MALRD1: variants seen among roughly 807,000 people sequenced by gnomAD.
MALRD1 encodes the protein MAM and LDL receptor class A domain containing 1.
A neutral mutation model predicts 242.1 loss-of-function variants in MALRD1; 247 were observed. That is an observed-to-expected ratio of 1.02 (90% confidence interval 0.92 to 1.13). MALRD1 has a LOEUF of 1.13. MALRD1 is among the 50% of genes most tolerant of loss of function. MALRD1 has a pLI of 0.00. For missense variants in MALRD1, 2,989 were observed against 2,533.1 expected (o/e 1.18, Z -3.86); for synonymous variants, 995 against 866.6 (o/e 1.15, Z -2.60).
chr10:19,477,533 C>T (rs1382768387), intron 29 of MALRD1, among the ~76,000 whole-genome samples: 1 of 152,116 alleles, frequency 6.6e-6, no homozygotes, highest in Non-Finnish European at 1.5e-5. Context: ...GCATCATTGT[C>T]TGGGGCAAAC....
chr10:19,597,982 G>A (rs369393964), intron 34 of MALRD1, among the ~76,000 whole-genome samples: 1 of 152,128 alleles, frequency 6.6e-6, no homozygotes, highest in East Asian at 1.9e-4. Flanking sequence ...CAGAGCCTGT[G>A]GTTGGAAATG....
chr10:19,396,610 T>C (rs1846591237), intron 28 of MALRD1, among the ~76,000 whole-genome samples: 1 of 152,246 alleles, frequency 6.6e-6, no homozygotes, highest in Non-Finnish European at 1.5e-5. Flanking sequence ...CTAGCTTCTA[T>C]ATTCATACTC....
chr10:19,596,941 T>C (rs374521346), intron 34 of MALRD1, among the ~76,000 whole-genome samples: 2 of 151,946 alleles, frequency 1.3e-5, no homozygotes, highest in South Asian at 4.1e-4. Context: ...TTTAGGGTCC[T>C]GTGTAATATG....
At chr10:19,703,739 AC>A (rs1833725369) in intron 38 of MALRD1, among the ~76,000 whole-genome samples, 1 of 152,118 alleles carries the variant, frequency 6.6e-6, no homozygotes, top group South Asian at 2.1e-4. Flanking sequence ...TACTAAAAAT[AC>A]AAAAATTAGC....
intron 36 of MALRD1, among the ~76,000 whole-genome samples, chr10:19,688,230 C>G (rs1472146215): frequency 6.6e-6 from 1 of 152,182 alleles, no homozygotes; most frequent in African/African-American, 2.4e-5. Context: ...CTTGGCCTCC[C>G]AAAGTGCTGG....
At chr10:19,183,046 C>A (rs1015857768) in intron 14 of MALRD1, among the ~76,000 whole-genome samples, 2 of 150,858 alleles carry the variant, frequency 1.3e-5, no homozygotes, top group African/African-American at 4.9e-5. Context: ...ATAATGGACC[C>A]ACCCTCATAG....
In MALRD1 at chr10:19,389,533, C is replaced by A; in HGVS notation, c.4769C>A (p.Ser1590Tyr). ...TTCAGGAGTACCATGTGGCGAGAAT[C>A]CAGTGCAGCCTGCACCATGAGCTTC... ...AHFRSTMWRE[S>Y]SAACTMSFWY... is the part of the protein sequence containing the mutation. The change falls in exon 28 of 40, where the codon TCC (serine) becomes TAC (tyrosine). Residue 1590 changes from serine (S) to tyrosine (Y), a missense_variant. Physicochemically the swap from Ser to Tyr is moderately radical, Grantham distance 144. Coordinates refer to ENST00000454679, the MANE Select transcript of MALRD1 (RefSeq NM_001142308.3). 4 of 1,550,656 alleles carry A rather than the reference C, an allele frequency of 2.6e-6. No homozygotes were observed. The highest frequency in any genetic ancestry group is 3.5e-6 in the Non-Finnish European group (4 of 1,146,942).
intron 38 of MALRD1, among the ~76,000 whole-genome samples, chr10:19,728,832 C>G (rs1040639062): frequency 8.5e-5 from 13 of 152,196 alleles, no homozygotes; most frequent in African/African-American, 3.1e-4. Context: ...AGTTCATGCA[C>G]TAACCATGCT....
chr10:19,047,996 AT>A (rs1487114093), upstream of MALRD1, among the ~76,000 whole-genome samples: 2 of 152,178 alleles, frequency 1.3e-5, no homozygotes, highest in African/African-American at 4.8e-5. Flanking sequence ...ACATCACATA[AT>A]TTCTATAATA....
At chr10:19,135,987 C>T (rs1050796741) in intron 9 of MALRD1, among the ~76,000 whole-genome samples, 6 of 152,176 alleles carry the variant, frequency 3.9e-5, no homozygotes, top group Non-Finnish European at 8.8e-5. Context: ...CTTCTTTTCT[C>T]ATTAAAGAAA....
At chr10:19,475,954 T>C (rs961260346) in intron 29 of MALRD1, among the ~76,000 whole-genome samples, 1 of 152,226 alleles carries the variant, frequency 6.6e-6, no homozygotes, top group African/African-American at 2.4e-5. Flanking sequence ...GTTTTCCTTT[T>C]ATTACACACA....
At chr10:19,222,329 G>A (rs550670260) in intron 18 of MALRD1, among the ~76,000 whole-genome samples, 4 of 152,134 alleles carry the variant, frequency 2.6e-5, no homozygotes, top group African/African-American at 2.4e-5. Flanking sequence ...GGCCACCTCT[G>A]ATGTTGCAGA....
intron 38 of MALRD1, among the ~76,000 whole-genome samples, chr10:19,706,720 A>G (rs545799362): frequency 1.3e-5 from 2 of 151,884 alleles, no homozygotes; most frequent in Non-Finnish European, 2.9e-5. Context: ...CCCTCCACCC[A>G]TTGTCCACCA....
chr10:19,410,502 G>C (rs1833232437), intron 28 of MALRD1, among the ~76,000 whole-genome samples: 1 of 152,134 alleles, frequency 6.6e-6, no homozygotes, highest in Non-Finnish European at 1.5e-5. Flanking sequence ...ACAAGCCTAG[G>C]TCTTGACCTC....
intron 36 of MALRD1, among the ~76,000 whole-genome samples, chr10:19,663,576 T>C (rs1317522054): frequency 6.6e-6 from 1 of 152,130 alleles, no homozygotes; most frequent in East Asian, 1.9e-4. Context: ...TTAGTGGTTC[T>C]AGTTTTAGTT....
chr10:19,545,174 C>T (rs1835156318), intron 32 of MALRD1, among the ~76,000 whole-genome samples: 1 of 152,198 alleles, frequency 6.6e-6, no homozygotes, highest in South Asian at 2.1e-4. Flanking sequence ...CATGTTTCTT[C>T]TTATGTCTAA....
At chr10:19,456,458 A>G (rs932127257) in intron 29 of MALRD1, among the ~76,000 whole-genome samples, 1 of 152,202 alleles carries the variant, frequency 6.6e-6, no homozygotes, top group African/African-American at 2.4e-5. Context: ...TCAATGCAGC[A>G]TCACTCTGGA....
At chr10:19,195,822 A>G (rs752597185) in intron 14 of MALRD1, among the ~76,000 whole-genome samples, 6 of 152,090 alleles carry the variant, frequency 3.9e-5, no homozygotes, top group Admixed American at 6.5e-5. Context: ...TGCTGCCCTA[A>G]AGTGTGTTCT....
At chr10:19,077,938 C>A (rs1312698123) in intron 2 of MALRD1, among the ~76,000 whole-genome samples, 1 of 151,742 alleles carries the variant, frequency 6.6e-6, no homozygotes, top group Non-Finnish European at 1.5e-5. Flanking sequence ...ATTCTTCAAA[C>A]CTCAAAGCAA....
Sources: gnomAD v4.1 joint callset for allele counts (sites outside exome capture counted in the v4.1 genomes callset) on GRCh38, gnomAD v4.1.1 for gene constraint, MANE v1.5 for transcripts, NCBI Gene and HGNC (gene_info 2026-07-23, HGNC 2026-07-21) for gene names.